The following PAX3 variants were observed in gnomAD, a reference collection of about 807,000 sequenced individuals.
The protein encoded by PAX3 is paired box protein Pax-3.
A neutral mutation model predicts 51.6 loss-of-function variants in PAX3; 14 were observed. The observed-to-expected ratio is 0.27, with a 90% CI of 0.18 to 0.42. The LOEUF (loss-of-function observed/expected upper bound fraction) is 0.42, where lower values mean the gene tolerates loss of function less well. Among genes scored for constraint, PAX3 ranks in the 10% least tolerant of loss-of-function variants. The probability of loss-of-function intolerance (pLI) is 1.00; values close to 1 mark genes in which losing one functional copy is unlikely to be tolerated. For missense variants in PAX3, 540 were observed against 642.8 expected (o/e 0.84, Z 1.73); for synonymous variants, 280 against 253.4 (o/e 1.11, Z -1.00).
At chr2:222,270,835 A>G (rs1003113659) in intron 4 of PAX3, among the ~76,000 whole-genome samples, 3 of 152,198 alleles carry the variant, frequency 2.0e-5, no homozygotes, top group African/African-American at 7.2e-5. Flanking sequence ...GCTGCTTTGC[A>G]ATAAAGCAAT....
chr2:222,230,854 CAAAAAAA>C (rs5838938), intron 5 of PAX3, among the ~76,000 whole-genome samples: 1 of 108,724 alleles, frequency 9.2e-6, no homozygotes. Context: ...GACTCCACCT[CAAAAAAA>C]AAAAAAAAAA....
At chr2:222,293,808 C>T in intron 4 of PAX3, 1 of 1,614,056 alleles carries the variant, frequency 6.2e-7, no homozygotes, top group Non-Finnish European at 8.5e-7. Context: ...TACCCTCTAT[C>T]CCCGGCCCTA....
At chr2:222,219,899 A>G (rs1298308548) in intron 7 of PAX3, among the ~76,000 whole-genome samples, 2 of 152,224 alleles carry the variant, frequency 1.3e-5, no homozygotes. Context: ...ACAGCTAAAT[A>G]TGAACACAAA....
intron 4 of PAX3, among the ~76,000 whole-genome samples, chr2:222,261,910 T>G (rs1214465880): frequency 6.6e-6 from 1 of 152,236 alleles, no homozygotes; most frequent in Non-Finnish European, 1.5e-5. Flanking sequence ...TAAAGCAGTT[T>G]AAACAAGCAT....
Position 222,200,074 on chromosome 2 carries a change from C to T in PAX3, c.*1334G>A, listed in dbSNP as rs1574616440. 2 of 209,428 alleles carry T rather than the reference C, an allele frequency of 9.5e-6. No individual in the cohort carries two copies. The highest frequency in any genetic ancestry group is 1.5e-3 in the Middle Eastern group (1 of 646). 13.0% of individuals were successfully genotyped at this position (209,428 alleles called of 1,614,324 possible). A position where few individuals can be genotyped will look rare whatever the true frequency, so the allele number is the denominator to read the frequency against. ...GGTACTATGTCTAGTCTCACTAACT[C>T]GCTACGTCATAGTTCTTAACTCTAA... On this transcript the variant is annotated 3_prime_UTR_variant, in exon 9 of 9. Transcript: ENST00000392070.
rs149156139 is a variant in PAX3 at position 222,288,238 on chromosome 2, C to A, written c.586+5929G>T. 2.8e-3 allele frequency among the ~76,000 whole-genome samples: 420 copies of A among 152,322 alleles called. 1 individual carries two copies. Among genetic ancestry groups the A allele is most frequent in the African/African-American group, 9.6e-3 (400 of 41,572 alleles). On this transcript the variant is annotated intron_variant, in intron 4 of 8. Transcript: ENST00000392070. ...GGCATTCAACAACTGGGAGGCTGTG[C>A]TGTTACCTCAGTTTCTGATGACTTT...
chr2:222,245,134 C>T (rs531700137), intron 4 of PAX3, among the ~76,000 whole-genome samples: 4 of 151,914 alleles, frequency 2.6e-5, no homozygotes, highest in Non-Finnish European at 4.4e-5. Context: ...GACAACAGAA[C>T]GAGACTGTCT....
intron 4 of PAX3, among the ~76,000 whole-genome samples, chr2:222,281,890 G>A (rs1183729759): frequency 6.6e-6 from 1 of 152,156 alleles, no homozygotes; most frequent in Non-Finnish European, 1.5e-5. Flanking sequence ...GGCAAGAAGG[G>A]AATTGAGGGC....
rs145903026 is a variant in PAX3 at position 222,235,613 on chromosome 2, G to T, written c.587-3330C>A. 7.2e-5 allele frequency among the ~76,000 whole-genome samples: 11 copies of T among 152,220 alleles called. No homozygotes were observed. In the South Asian group the frequency reaches 1.2e-3, roughly 17 times the overall value. Reference sequence around the variant, plus strand: ...AAACTAGCATAGCTAGTAATGAAAAGCCTCAGAATTTGGGACAGTACACCT... The same window carrying T: ...AAACTAGCATAGCTAGTAATGAAAATCCTCAGAATTTGGGACAGTACACCT... On this transcript the variant is annotated intron_variant, in intron 4 of 8. Coordinates refer to ENST00000392070, the MANE Select transcript of PAX3 (RefSeq NM_181458.4).
At chr2:222,234,760 T>C (rs964859778) in intron 4 of PAX3, among the ~76,000 whole-genome samples, 9 of 152,234 alleles carry the variant, frequency 5.9e-5, no homozygotes, top group Non-Finnish European at 1.2e-4. Flanking sequence ...CTCTGTAAAA[T>C]ACATCTGCCA....
chr2:222,257,779 G>A (rs1345190109), intron 4 of PAX3, among the ~76,000 whole-genome samples: 3 of 152,222 alleles, frequency 2.0e-5, no homozygotes, highest in African/African-American at 4.8e-5. Context: ...TGAGGCTCAA[G>A]GCAGCGCATG....
At chr2:222,298,501 TC>T in intron 1 of PAX3, 29 bp downstream of exon 1, 1 of 1,557,850 alleles carries the variant, frequency 6.4e-7, no homozygotes. Flanking sequence ...GGCCCTGGGA[TC>T]CAGGCGGCGC....
At chr2:222,266,790 C>A (rs1259550731) in intron 4 of PAX3, among the ~76,000 whole-genome samples, 1 of 152,216 alleles carries the variant, frequency 6.6e-6, no homozygotes, top group East Asian at 1.9e-4. Context: ...CAGAGAGCCA[C>A]TGAAACCATG....
intron 4 of PAX3, among the ~76,000 whole-genome samples, chr2:222,254,159 A>T (rs72962635): frequency 0.16 from 23,948 of 146,244 alleles, 2,009 homozygotes; most frequent in South Asian, 0.31. Context: ...TTTTTTTTTT[A>T]AAAAAAAGTT....
At chr2:222,271,457 A>G (rs983446268) in intron 4 of PAX3, among the ~76,000 whole-genome samples, 5 of 152,336 alleles carry the variant, frequency 3.3e-5, no homozygotes, top group Non-Finnish European at 4.4e-5. Context: ...GATGCTGATG[A>G]TGATGGTACT....
At chr2:222,265,839 C>T (rs1355030166) in intron 4 of PAX3, among the ~76,000 whole-genome samples, 7 of 152,172 alleles carry the variant, frequency 4.6e-5, no homozygotes, top group Non-Finnish European at 8.8e-5. Flanking sequence ...TCTGACAGAA[C>T]GGCTAGAATT....
At chr2:222,278,919 G>A (rs1694528803) in intron 4 of PAX3, among the ~76,000 whole-genome samples, 1 of 152,142 alleles carries the variant, frequency 6.6e-6, no homozygotes, top group South Asian at 2.1e-4. Flanking sequence ...GGCTTAACCA[G>A]TTGAGTTTCT....
At chr2:222,202,469 T>G (rs1691336060) in intron 7 of PAX3, among the ~76,000 whole-genome samples, 1 of 149,140 alleles carries the variant, frequency 6.7e-6, no homozygotes, top group Non-Finnish European at 1.5e-5. Context: ...AAGAGAGAGA[T>G]TACACCACGT....
chr2:222,243,984 C>T (rs6436305), intron 4 of PAX3, among the ~76,000 whole-genome samples: 4,470 of 152,178 alleles, frequency 0.029, 193 homozygotes, highest in African/African-American at 0.1. Flanking sequence ...TCCCTAGAGG[C>T]CGTGAAGAGG....
Sources: allele counts gnomAD v4.1 joint callset (sites outside exome capture counted in the v4.1 genomes callset), GRCh38; gene constraint gnomAD v4.1.1; transcripts MANE v1.5; gene names NCBI Gene and HGNC (gene_info 2026-07-23, HGNC 2026-07-21).